The following OXCT1 variants were observed in gnomAD, a reference collection of about 807,000 sequenced individuals.
OXCT1 encodes succinyl-CoA:3-ketoacid coenzyme A transferase 1, mitochondrial.
A neutral mutation model predicts 69.6 loss-of-function variants in OXCT1; 27 were observed. That is an observed-to-expected ratio of 0.39 (90% CI 0.29 to 0.54). OXCT1 has a LOEUF of 0.54. Among genes scored for constraint, OXCT1 ranks in the 20% least tolerant of loss-of-function variants. The pLI is 0.72. For missense variants in OXCT1, 437 were observed against 650.2 expected, an observed-to-expected ratio of 0.67 and a Z score of 3.57; for synonymous variants, 202 against 217.8, an observed-to-expected ratio of 0.93 and a Z score of 0.64.
At chr5:41,814,076 A>G (rs1462789416) in intron 7 of OXCT1, among the ~76,000 whole-genome samples, 1 of 152,028 alleles carries the variant, frequency 6.6e-6, no homozygotes, top group African/African-American at 2.4e-5. Context: ...TCTGTTCCTA[A>G]TTGATGCTAT....
chr5:41,839,043 T>C (rs1748506539), intron 7 of OXCT1, among the ~76,000 whole-genome samples: 1 of 152,192 alleles, frequency 6.6e-6, no homozygotes, highest in Non-Finnish European at 1.5e-5. Flanking sequence ...CATTCTGTGA[T>C]CCATCAGAGA....
chr5:41,850,313 C>T (rs2112441131), intron 4 of OXCT1, 134 bp from the exon 5 acceptor site: 1 of 945,620 alleles, frequency 1.1e-6, no homozygotes, highest in Non-Finnish European at 1.6e-6. Flanking sequence ...CATTAGCATA[C>T]TTCACTAATA....
At chr5:41,822,019 G>A (rs994031476) in intron 7 of OXCT1, among the ~76,000 whole-genome samples, 8 of 151,998 alleles carry the variant, frequency 5.3e-5, no homozygotes, top group African/African-American at 1.5e-4. Flanking sequence ...TCTTATTTCC[G>A]ATGAGTTTTC....
In OXCT1 at chr5:41,766,408, C is replaced by CT. The variant is rs199639259; in HGVS notation, c.1249-4209dup. On this transcript the variant is annotated intron_variant, in intron 13 of 16. Coordinates refer to ENST00000196371, the MANE Select transcript of OXCT1 (RefSeq NM_000436.4). ...AATAAAAGATGAATATGATGATCCA[C>CT]TTTTTTCTAGAAAATAGATTTAAGC... is the stretch of plus-strand genomic sequence containing the variant. 3.9e-3 allele frequency among the ~76,000 whole-genome samples: 593 copies of CT among 152,164 alleles called. 2 individuals are homozygous for CT. The highest frequency in any genetic ancestry group is 0.014 in the African/African-American group (572 of 41,522).
chr5:41,743,905 A>C (rs1337321224), intron 15 of OXCT1, among the ~76,000 whole-genome samples: 1 of 152,150 alleles, frequency 6.6e-6, no homozygotes, highest in Non-Finnish European at 1.5e-5. Flanking sequence ...GTTTGAAGTC[A>C]GGTAGCCTGA....
intron 13 of OXCT1, among the ~76,000 whole-genome samples, chr5:41,770,049 C>T (rs1744811408): frequency 6.6e-6 from 1 of 152,240 alleles, no homozygotes; most frequent in South Asian, 2.1e-4. Context: ...CGTGAGCCAC[C>T]ACGCCCAGCC....
At position 41,762,664 on chromosome 5, in the gene OXCT1, T is replaced by C. The variant is rs979714914; in HGVS notation, c.1249-464A>G. On this transcript the variant is annotated intron_variant, in intron 13 of 16. Coordinates refer to ENST00000196371, the MANE Select transcript of OXCT1 (RefSeq NM_000436.4). The surrounding 1 kb of genome is among the most constrained non-coding windows in gnomAD (Gnocchi z 4.0). ...CATTATGTAGTAGTAGGCTGAGGCA[T>C]GAATGGTGTTTTTCTAGTAATGGCT... Among the ~76,000 whole-genome samples the C allele has an allele frequency of 6.6e-6, 1 of 152,154 alleles. No individual in the cohort carries two copies. The highest frequency in any genetic ancestry group is 6.6e-5 in the Admixed American group (1 of 15,242).
intron 7 of OXCT1, among the ~76,000 whole-genome samples, chr5:41,835,616 A>G (rs1485297608): frequency 6.6e-6 from 1 of 152,262 alleles, no homozygotes; most frequent in Admixed American, 6.5e-5. Flanking sequence ...ATACCACAAT[A>G]TAAATACAAT....
chr5:41,767,720 GTGTATATATATATA>G (rs60304234), intron 13 of OXCT1, among the ~76,000 whole-genome samples: 26,143 of 78,320 alleles, frequency 0.33, 2,868 homozygotes, highest in Middle Eastern at 0.4. Flanking sequence ...ATATATGTGT[GTGTATATATATATA>G]TATATATATA....
intron 13 of OXCT1, among the ~76,000 whole-genome samples, chr5:41,784,057 T>A (rs2112191366): frequency 6.6e-6 from 1 of 152,320 alleles, no homozygotes; most frequent in East Asian, 1.9e-4. Flanking sequence ...TTGCTTTTGT[T>A]CCTTTCGGAT....
chr5:41,803,236 A>G, intron 9 of OXCT1, 73 bp from the exon 10 acceptor site: 2 of 944,148 alleles, frequency 2.1e-6, no homozygotes, highest in African/African-American at 3.2e-5. Context: ...CTACATATAC[A>G]GATCTGAACA....
intron 11 of OXCT1, among the ~76,000 whole-genome samples, chr5:41,800,323 A>G (rs1045648399): frequency 2.6e-5 from 4 of 152,014 alleles, no homozygotes; most frequent in East Asian, 1.9e-4. Context: ...TCCTGCTCCA[A>G]TGAGAACTAG....
intron 13 of OXCT1, among the ~76,000 whole-genome samples, chr5:41,776,335 A>G (rs1195646226): frequency 1.3e-5 from 2 of 152,224 alleles, no homozygotes; most frequent in Non-Finnish European, 2.9e-5. Flanking sequence ...TGGATCTTGG[A>G]AAACTGGGTG....
intron 7 of OXCT1, among the ~76,000 whole-genome samples, chr5:41,810,149 C>A (rs115809205): frequency 0.022 from 3,348 of 151,720 alleles, 66 homozygotes; most frequent in Non-Finnish European, 0.031. Flanking sequence ...GACTTCAGTG[C>A]CAGTTTCGTG....
chr5:41,827,612 T>TA (rs1247034901), intron 7 of OXCT1, among the ~76,000 whole-genome samples: 18 of 152,206 alleles, frequency 1.2e-4, no homozygotes, highest in Non-Finnish European at 2.6e-4. Context: ...CTAGCTAAAA[T>TA]AATTGACTTG....
intron 15 of OXCT1, 42 bp downstream of exon 15, chr5:41,749,485 G>A (rs371467362): frequency 1.6e-5 from 21 of 1,274,690 alleles, no homozygotes; most frequent in Non-Finnish European, 2.2e-5. Context: ...TTCTAAAAAT[G>A]CTTACTTAAA....
intron 16 of OXCT1, among the ~76,000 whole-genome samples, chr5:41,735,412 G>C (rs576065127): frequency 5.3e-5 from 8 of 152,262 alleles, no homozygotes; most frequent in Admixed American, 4.6e-4. Flanking sequence ...GATAGAAACA[G>C]AAAGCAAAAA....
chr5:41,827,429 T>C (rs1030002402), intron 7 of OXCT1, among the ~76,000 whole-genome samples: 4 of 152,162 alleles, frequency 2.6e-5, no homozygotes, highest in Admixed American at 2.6e-4. Flanking sequence ...ATAAAGCTGC[T>C]TCTCCTCCAA....
chr5:41,737,454 T>C (rs1742941173), intron 16 of OXCT1, among the ~76,000 whole-genome samples: 1 of 151,602 alleles, frequency 6.6e-6, no homozygotes, highest in South Asian at 2.1e-4. Flanking sequence ...AAAAAAAAAC[T>C]GAACATTCTG....
Sources: gnomAD v4.1 joint callset for allele counts (sites outside exome capture counted in the v4.1 genomes callset) on GRCh38, gnomAD v4.1.1 for gene constraint, Gnocchi (gnomAD v3.1) non-coding constraint, MANE v1.5 for transcripts, NCBI Gene and HGNC (gene_info 2026-07-23, HGNC 2026-07-21) for gene names.